The following DGKB variants were observed in gnomAD, a reference collection of about 807,000 sequenced individuals.
The protein encoded by DGKB is 90 kDa diacylglycerol kinase.
Under a neutral mutation model 114.3 loss-of-function variants are expected in DGKB, and 67 were observed. The observed-to-expected ratio is 0.59, with a 90% CI of 0.48 to 0.72. DGKB has a LOEUF of 0.72. DGKB is among the 30% of genes least tolerant of loss of function. DGKB has a pLI of 0.00. For missense variants in DGKB, 907 were observed against 975.2 expected, an observed-to-expected ratio of 0.93 and a Z score of 0.93; for synonymous variants, 398 against 323.1, an observed-to-expected ratio of 1.23 and a Z score of -2.49.
At chr7:14,278,153 C>T (rs571231441) in intron 23 of DGKB, among the ~76,000 whole-genome samples, 1 of 152,262 alleles carries the variant, frequency 6.6e-6, no homozygotes, top group Admixed American at 6.5e-5. Flanking sequence ...TCTTTAAATT[C>T]TCATGGACCC....
chr7:14,660,172 A>G (rs1204439916), intron 13 of DGKB, among the ~76,000 whole-genome samples: 1 of 151,994 alleles, frequency 6.6e-6, no homozygotes, highest in Non-Finnish European at 1.5e-5. Flanking sequence ...AATGTTCCTC[A>G]AGGATATTGG....
chr7:14,898,598 G>A (rs908167446), intron 1 of DGKB, among the ~76,000 whole-genome samples: 1 of 152,088 alleles, frequency 6.6e-6, no homozygotes, highest in African/African-American at 2.4e-5. Flanking sequence ...GAGGAAGGGA[G>A]CCAATGAGCA....
chr7:14,565,362 G>A (rs963775867), intron 20 of DGKB, among the ~76,000 whole-genome samples: 3 of 152,142 alleles, frequency 2.0e-5, no homozygotes, highest in Non-Finnish European at 4.4e-5. Context: ...CCACCCAGTT[G>A]ACACACAGAC....
chr7:14,638,406 C>A (rs115620437), intron 13 of DGKB, among the ~76,000 whole-genome samples: 1 of 152,062 alleles, frequency 6.6e-6, no homozygotes. Flanking sequence ...TAAAACCAAG[C>A]CTCCTTGTTA....
intron 2 of DGKB, among the ~76,000 whole-genome samples, chr7:14,835,239 A>C (rs779944708): frequency 6.6e-6 from 1 of 152,332 alleles, no homozygotes; most frequent in Non-Finnish European, 1.5e-5. Context: ...AACATTTCAG[A>C]TAAGTGTTTT....
At chr7:14,946,507 T>C (rs1401217782) in intron 1 of DGKB, among the ~76,000 whole-genome samples, 1 of 151,758 alleles carries the variant, frequency 6.6e-6, no homozygotes, top group Non-Finnish European at 1.5e-5. Context: ...AAATAAAATC[T>C]ACAATAAGAT....
chr7:14,956,158 A>C (rs1261013494), intron 1 of DGKB, among the ~76,000 whole-genome samples: 3 of 151,952 alleles, frequency 2.0e-5, no homozygotes, highest in South Asian at 4.1e-4. Context: ...AGATGTAAAA[A>C]TTTTTCAAAT....
rs190300045 is a variant in DGKB, at chr7:14,856,769, A to G, written c.-187-15319T>C. On this transcript the variant is annotated intron_variant, in intron 1 of 25. Transcript: ENST00000402815. ...ACCAATAATGCAAAAACATACCCAC[A>G]CTTCTCTTGGACACATTATTATGCA... Among the ~76,000 whole-genome samples the G allele has an allele frequency of 3.2e-4, 48 of 152,126 alleles. 1 individual carries two copies. Among genetic ancestry groups the G allele is most frequent in the African/African-American group, 1.1e-3 (47 of 41,480 alleles).
chr7:14,865,867 AG>A (rs1442039876), intron 1 of DGKB, among the ~76,000 whole-genome samples: 2 of 152,210 alleles, frequency 1.3e-5, no homozygotes, highest in Admixed American at 6.5e-5. Context: ...TGTATGGCTC[AG>A]AATAACTTGA....
Position 14,604,755 on chromosome 7 carries a change from A to G in DGKB, c.1433+2679T>C, listed in dbSNP as rs569484916. Among the ~76,000 whole-genome samples the G allele has an allele frequency of 1.8e-4, 28 of 152,258 alleles. No individual in the cohort carries two copies. The South Asian group carries it at 2.3e-3, about 12-fold the overall frequency. ...GAAAACAGGGCTGGGAGGATTCACA[A>G]GTGAGCAGATCAGTCATTGAGTTCA... On this transcript the variant is annotated intron_variant, in intron 17 of 25. Transcript: ENST00000402815.
chr7:14,601,773 T>C (rs1169697919), intron 17 of DGKB, among the ~76,000 whole-genome samples: 3 of 152,188 alleles, frequency 2.0e-5, no homozygotes, highest in Admixed American at 6.5e-5. Context: ...ATAACAAGGA[T>C]TGCCTTTCCT....
intron 21 of DGKB, among the ~76,000 whole-genome samples, chr7:14,406,510 C>A (rs555168200): frequency 6.6e-6 from 1 of 151,978 alleles, no homozygotes; most frequent in East Asian, 1.9e-4. Flanking sequence ...CTACTGATCA[C>A]GACAGCACTT....
intron 1 of DGKB, among the ~76,000 whole-genome samples, chr7:14,937,321 A>T (rs771555101): frequency 6.6e-6 from 1 of 152,056 alleles, no homozygotes; most frequent in South Asian, 2.1e-4. Context: ...CTCTCCTTTC[A>T]AAGAAAGGAG....
At chr7:14,552,271 A>C (rs1045537370) in intron 20 of DGKB, among the ~76,000 whole-genome samples, 1 of 152,184 alleles carries the variant, frequency 6.6e-6, no homozygotes, top group African/African-American at 2.4e-5. Context: ...GTCAGCAATT[A>C]GACAATACGC....
chr7:14,398,074 C>T (rs141267250), intron 21 of DGKB, among the ~76,000 whole-genome samples: 10 of 152,146 alleles, frequency 6.6e-5, no homozygotes, highest in East Asian at 1.9e-4. Flanking sequence ...GGATGTTTTA[C>T]GCATTGGAGA....
intron 25 of DGKB, among the ~76,000 whole-genome samples, chr7:14,168,239 C>G (rs1219925957): frequency 6.6e-6 from 1 of 152,052 alleles, no homozygotes; most frequent in Non-Finnish European, 1.5e-5. Flanking sequence ...AATTCAAACA[C>G]AGGTGAATAG....
At chr7:14,448,007 T>G (rs1830962523) in intron 21 of DGKB, among the ~76,000 whole-genome samples, 1 of 152,116 alleles carries the variant, frequency 6.6e-6, no homozygotes, top group Non-Finnish European at 1.5e-5. Flanking sequence ...ATCTCTTTGT[T>G]GAATACTCCA....
intron 2 of DGKB, among the ~76,000 whole-genome samples, chr7:14,812,876 A>C (rs1446645441): frequency 1.3e-5 from 2 of 152,178 alleles, no homozygotes; most frequent in African/African-American, 4.8e-5. Flanking sequence ...TTGCAGCATC[A>C]GTTAAGTGCT....
intron 8 of DGKB, among the ~76,000 whole-genome samples, chr7:14,695,494 C>CTTTCTTT (rs1823673783): frequency 2.7e-5 from 2 of 75,156 alleles, no homozygotes; most frequent in East Asian, 1.0e-3. Flanking sequence ...CTCTCTCTCT[C>CTTTCTTT]TTTTTTTTTT....
Sources: allele counts gnomAD v4.1 joint callset (sites outside exome capture counted in the v4.1 genomes callset), GRCh38; gene constraint gnomAD v4.1.1; transcripts MANE v1.5; gene names NCBI Gene and HGNC (gene_info 2026-07-23, HGNC 2026-07-21).